The following RAPH1 variants were observed in gnomAD, a reference collection of about 807,000 sequenced individuals.
RAPH1 encodes the protein ras-associated and pleckstrin homology domains-containing protein 1.
RAPH1 carries 18 observed loss-of-function variants against 88.1 expected under a neutral mutation model. The observed-to-expected ratio is 0.20, with a 90% CI of 0.14 to 0.30. RAPH1 has a LOEUF of 0.30. RAPH1 is among the 10% of genes least tolerant of loss of function. The pLI is 1.00. For synonymous variants in RAPH1, 587 were observed against 559.0 expected (o/e 1.05, Z -0.71); for missense variants, 1,448 against 1,543.2 (o/e 0.94, Z 1.03).
intron 4 of RAPH1, among the ~76,000 whole-genome samples, chr2:203,476,607 G>A (rs1214244320): frequency 6.6e-6 from 1 of 152,042 alleles, no homozygotes. Flanking sequence ...TACCGTATGG[G>A]ACAGTACACC....
intron 13 of RAPH1, chr2:203,443,541 G>A (rs1048937410): frequency 6.6e-6 from 1 of 151,292 alleles, no homozygotes; most frequent in African/African-American, 2.4e-5. Context: ...GCAAGGCTCA[G>A]GAATCCAAAA....
intron 4 of RAPH1, among the ~76,000 whole-genome samples, chr2:203,476,367 C>T (rs917837627): frequency 3.3e-5 from 5 of 152,140 alleles, no homozygotes; most frequent in East Asian, 1.9e-4. Flanking sequence ...AATGGGGTTT[C>T]GTCATGTTGG....
Position 203,534,318 on chromosome 2 carries a change from T to C in RAPH1, c.-1+793A>G, listed in dbSNP as rs573629216. On this transcript the variant is annotated intron_variant, in intron 1 of 13. Transcript: ENST00000319170. ...CACACACGCAAGACACATGTAACACTTACACCCTCCCTCAAGGCTCTTATT... is the reference window on the plus strand; with the variant it reads ...CACACACGCAAGACACATGTAACACCTACACCCTCCCTCAAGGCTCTTATT... Among the ~76,000 whole-genome samples, 5 of 152,170 alleles carry C rather than the reference T, an allele frequency of 3.3e-5. No individual in the cohort carries two copies. In the South Asian group the frequency reaches 8.3e-4, roughly 25 times the overall value.
intron 1 of RAPH1, among the ~76,000 whole-genome samples, chr2:203,495,908 G>A (rs1359151299): frequency 6.6e-6 from 1 of 152,102 alleles, no homozygotes; most frequent in African/African-American, 2.4e-5. Context: ...TATCCCATTT[G>A]TCTTCTTTCT....
intron 1 of RAPH1, among the ~76,000 whole-genome samples, chr2:203,514,600 G>A (rs1186472273): frequency 5.3e-5 from 8 of 152,058 alleles, no homozygotes; most frequent in Admixed American, 4.6e-4. Flanking sequence ...TGTCGCCCAG[G>A]CTGGAGTGCA....
At chr2:203,510,711 T>TA in intron 1 of RAPH1, among the ~76,000 whole-genome samples, 1 of 151,986 alleles carries the variant, frequency 6.6e-6, no homozygotes. Context: ...CTAAAAACAC[T>TA]AGAATTTTTT....
chr2:203,515,516 T>C (rs1581396955), intron 1 of RAPH1, among the ~76,000 whole-genome samples: 1 of 152,226 alleles, frequency 6.6e-6, no homozygotes, highest in Non-Finnish European at 1.5e-5. Flanking sequence ...GCTAAGCTGG[T>C]GTCTTTTATT....
At chr2:203,510,181 A>G (rs1689272202) in intron 1 of RAPH1, among the ~76,000 whole-genome samples, 1 of 151,982 alleles carries the variant, frequency 6.6e-6, no homozygotes, top group East Asian at 1.9e-4. Flanking sequence ...ATTACTGATA[A>G]AAGATACATT....
intron 12 of RAPH1, chr2:203,446,940 TG>T (rs2098510280): frequency 6.7e-6 from 1 of 150,082 alleles, no homozygotes; most frequent in African/African-American, 2.5e-5. Context: ...GTTGTGGAGA[TG>T]GGGTCTTGCT....
In RAPH1 at chr2:203,435,486, A is replaced by C. The variant is rs904386298; in HGVS notation, c.*3951T>G. 2 of 151,922 alleles carry C rather than the reference A, an allele frequency of 1.3e-5. No individual in the cohort carries two copies. The highest frequency in any genetic ancestry group is 4.8e-5 in the African/African-American group (2 of 41,308). The allele number at this position is 151,922 out of a possible 1,614,324, so 9.4% of individuals were successfully genotyped here. On this transcript the variant is annotated 3_prime_UTR_variant, in exon 14 of 14. Transcript: ENST00000319170. The stretch of plus-strand genomic sequence containing the variant: ...CATACATTTCTACAGGGTTAGGAGT[A>C]CCCTGCATAATTTATACAAATGTAA...
rs146395294 is a variant in RAPH1 at position 203,512,284 on chromosome 2, C to G, written c.1-16931G>C. 3.6e-3 allele frequency among the ~76,000 whole-genome samples: 527 copies of G among 148,038 alleles called. 5 individuals carry two copies. The highest frequency in any genetic ancestry group is 5.1e-3 in the Non-Finnish European group (344 of 67,452). On this transcript the variant is annotated intron_variant, in intron 1 of 13. Coordinates refer to ENST00000319170, the MANE Select transcript of RAPH1 (RefSeq NM_213589.3). ...TCTCTACTAAAAATACAAAAATTAG[C>G]TGGGTGTGGTGGTGCACACCAAGAT...
chr2:203,490,157 G>A (rs183111932), intron 3 of RAPH1, 68 bp from the exon 4 acceptor site: 2 of 1,390,032 alleles, frequency 1.4e-6, no homozygotes, highest in African/African-American at 1.4e-5. Context: ...AATAAATGCA[G>A]GTGATGAAGC....
At chr2:203,509,066 A>ATTTTTTTTTTTTTTTTTTTTTTT (rs34628795) in intron 1 of RAPH1, among the ~76,000 whole-genome samples, 1 of 120,482 alleles carries the variant, frequency 8.3e-6, no homozygotes. Context: ...TTAAAAAATA[A>ATTTTTTTTTTTTTTTTTTTTTTT]TTTTTTTTTT....
intron 4 of RAPH1, among the ~76,000 whole-genome samples, chr2:203,478,771 G>A (rs575022777): frequency 2.5e-4 from 38 of 152,316 alleles, no homozygotes; most frequent in African/African-American, 8.4e-4. Context: ...TTACAGGCGT[G>A]AGCCACTGCG....
intron 1 of RAPH1, among the ~76,000 whole-genome samples, chr2:203,505,291 G>A (rs1688933937): frequency 6.6e-6 from 1 of 152,118 alleles, no homozygotes; most frequent in African/African-American, 2.4e-5. Context: ...GAATCATGGT[G>A]GGAGGCAAAA....
intron 1 of RAPH1, among the ~76,000 whole-genome samples, chr2:203,533,908 G>A (rs1468884874): frequency 2.6e-5 from 4 of 152,120 alleles, no homozygotes; most frequent in Non-Finnish European, 5.9e-5. Context: ...GATAGGGAAC[G>A]TACTGCAGAG....
intron 1 of RAPH1, among the ~76,000 whole-genome samples, chr2:203,528,731 G>C (rs1298626329): frequency 6.6e-6 from 1 of 151,552 alleles, no homozygotes; most frequent in Non-Finnish European, 1.5e-5. Context: ...TAAAAACTTA[G>C]GGTAAAAAAA....
At chr2:203,469,180 T>A (rs1252646678) in intron 4 of RAPH1, among the ~76,000 whole-genome samples, 1 of 152,120 alleles carries the variant, frequency 6.6e-6, no homozygotes, top group Non-Finnish European at 1.5e-5. Flanking sequence ...GATACAAGTG[T>A]GGACTCTAGG....
chr2:203,480,060 T>A (rs1170299878), intron 4 of RAPH1, among the ~76,000 whole-genome samples: 1 of 152,258 alleles, frequency 6.6e-6, no homozygotes, highest in Non-Finnish European at 1.5e-5. Flanking sequence ...TTGAAAACTT[T>A]CATTTGTATT....
Sources: allele counts gnomAD v4.1 joint callset (sites outside exome capture counted in the v4.1 genomes callset), GRCh38; gene constraint gnomAD v4.1.1; transcripts MANE v1.5; gene names NCBI Gene and HGNC (gene_info 2026-07-23, HGNC 2026-07-21).